Variants in ATXN7L1 observed in about 807,000 individuals in gnomAD.
ATXN7L1 encodes the protein ataxin 7 like 1, also known as ataxin-7-like protein 1.
ATXN7L1 carries 15 observed loss-of-function variants against 70.8 expected under a neutral mutation model. The observed-to-expected ratio is 0.21, with a 90% confidence interval of 0.14 to 0.33. The LOEUF (loss-of-function observed/expected upper bound fraction) is 0.33. Among genes scored for constraint, ATXN7L1 ranks in the 10% least tolerant of loss-of-function variants. The pLI is 1.00. For synonymous variants in ATXN7L1, 440 were observed against 445.1 expected (o/e 0.99, Z 0.14); for missense variants, 975 against 1,097.1 (o/e 0.89, Z 1.57).
At chr7:105,788,388 T>A in intron 3 of ATXN7L1, 1 of 518,158 alleles carries the variant, frequency 1.9e-6, no homozygotes, top group Non-Finnish European at 3.5e-6. Flanking sequence ...AAGTTGCAGG[T>A]TTTCTCTCAT....
intron 3 of ATXN7L1, among the ~76,000 whole-genome samples, chr7:105,730,411 G>A (rs553842117): frequency 4.6e-5 from 7 of 152,176 alleles, no homozygotes; most frequent in Admixed American, 1.3e-4. Context: ...AAAAAAACAA[G>A]GAAAGCCTGA....
chr7:105,810,398 A>G (rs1808258367), intron 2 of ATXN7L1, among the ~76,000 whole-genome samples: 1 of 152,222 alleles, frequency 6.6e-6, no homozygotes, highest in African/African-American at 2.4e-5. Context: ...AGGTGAGACA[A>G]ACAACAAACA....
intron 3 of ATXN7L1, among the ~76,000 whole-genome samples, chr7:105,739,403 A>G (rs1451876508): frequency 6.6e-6 from 1 of 152,236 alleles, no homozygotes; most frequent in Admixed American, 6.5e-5. Context: ...CACGCCCAGA[A>G]GGCCAGACAT....
intron 3 of ATXN7L1, among the ~76,000 whole-genome samples, chr7:105,775,013 G>A (rs1333080884): frequency 1.4e-5 from 2 of 148,040 alleles, no homozygotes; most frequent in African/African-American, 2.5e-5. Flanking sequence ...GCTTTCTCTG[G>A]AAAAAAAAAA....
chr7:105,605,485 G>T lies in ATXN7L1; in HGVS notation c.*2367C>A, dbSNP rs1411794681. ...AGCATTCGATGAGGGTGGGGGGGGG[G>T]GTGGGGGCTCTTTATTCCAGCTTCC... On this transcript the variant is annotated 3_prime_UTR_variant, in exon 12 of 12. Coordinates refer to ENST00000419735, the MANE Select transcript of ATXN7L1 (RefSeq NM_020725.2). 5.4e-5 allele frequency: 4 copies of T among 74,208 alleles called. No individual in the cohort carries two copies. The highest frequency in any genetic ancestry group is 2.0e-4 in the African/African-American group (4 of 19,858). The allele number at this position is 74,208 out of a possible 1,614,324, so 4.6% of individuals were successfully genotyped here.
rs544592264 is a variant in ATXN7L1 at position 105,799,776 on chromosome 7, T to C, written c.251-11068A>G. Among the ~76,000 whole-genome samples, 7 of 152,258 alleles carry C rather than the reference T, an allele frequency of 4.6e-5. No individual in the cohort carries two copies. The East Asian group carries it at 1.4e-3, about 29-fold the overall frequency. On this transcript the variant is annotated intron_variant, in intron 2 of 11. Coordinates refer to ENST00000419735, the MANE Select transcript of ATXN7L1 (RefSeq NM_020725.2). ...AAAACAGTGGAAAGGAACTGTGTAA[T>C]GTCCCTGGGAATCGGTGTTCAAAGC...
chr7:105,786,128 T>G (rs1473628147), intron 3 of ATXN7L1, among the ~76,000 whole-genome samples: 2 of 152,218 alleles, frequency 1.3e-5, no homozygotes, highest in Non-Finnish European at 2.9e-5. Context: ...GAGGCCTTGG[T>G]GCCTCAATTT....
intron 4 of ATXN7L1, among the ~76,000 whole-genome samples, chr7:105,657,659 T>G (rs1451095036): frequency 7.7e-6 from 1 of 130,038 alleles, no homozygotes; most frequent in South Asian, 2.4e-4. Context: ...ATTGCACCAC[T>G]GTACTCCAGC....
At chr7:105,773,902 G>T (rs78214323) in intron 3 of ATXN7L1, among the ~76,000 whole-genome samples, 1 of 152,146 alleles carries the variant, frequency 6.6e-6, no homozygotes. Context: ...TGATAGGACC[G>T]TAGTTCTTCA....
At chr7:105,716,171 T>C (rs1794520535) in intron 3 of ATXN7L1, among the ~76,000 whole-genome samples, 1 of 152,174 alleles carries the variant, frequency 6.6e-6, no homozygotes, top group Non-Finnish European at 1.5e-5. Flanking sequence ...ATTTAAGGGA[T>C]ATTTTTCCAA....
At chr7:105,658,878 T>C (rs901514384) in intron 4 of ATXN7L1, among the ~76,000 whole-genome samples, 11 of 150,422 alleles carry the variant, frequency 7.3e-5, no homozygotes, top group Admixed American at 2.0e-4. Flanking sequence ...GCATGGTGGC[T>C]CACGCCTGTA....
At chr7:105,805,151 T>C (rs1008420116) in intron 2 of ATXN7L1, among the ~76,000 whole-genome samples, 4 of 152,178 alleles carry the variant, frequency 2.6e-5, no homozygotes, top group African/African-American at 9.7e-5. Flanking sequence ...GCCAGACAGT[T>C]AGAGAATGGG....
intron 3 of ATXN7L1, among the ~76,000 whole-genome samples, chr7:105,675,248 G>A (rs117471236): frequency 0.012 from 1,821 of 152,218 alleles, 11 homozygotes; most frequent in Middle Eastern, 0.061. Context: ...CTAAGAAAAT[G>A]TATGCAAAAT....
At chr7:105,848,694 T>A (rs1731285286) in intron 2 of ATXN7L1, among the ~76,000 whole-genome samples, 1 of 152,206 alleles carries the variant, frequency 6.6e-6, no homozygotes, top group African/African-American at 2.4e-5. Context: ...CTTTTGTTGA[T>A]GTGCATCTTC....
chr7:105,797,005 G>A (rs188204008), intron 2 of ATXN7L1, among the ~76,000 whole-genome samples: 1 of 152,278 alleles, frequency 6.6e-6, no homozygotes, highest in African/African-American at 2.4e-5. Context: ...GGGCTCCATT[G>A]TGAGAGATTC....
chr7:105,867,980 G>A (rs905212702), intron 2 of ATXN7L1, among the ~76,000 whole-genome samples: 1 of 152,202 alleles, frequency 6.6e-6, no homozygotes, highest in Non-Finnish European at 1.5e-5. Context: ...ACCATCAGTG[G>A]TGCCACTGGT....
chr7:105,611,949 G>A (rs1018926769), intron 10 of ATXN7L1, among the ~76,000 whole-genome samples: 2 of 152,206 alleles, frequency 1.3e-5, no homozygotes, highest in African/African-American at 4.8e-5. Flanking sequence ...CTGCGTTAGA[G>A]AACCAATGCT....
At chr7:105,754,572 C>T (rs1219981383) in intron 3 of ATXN7L1, among the ~76,000 whole-genome samples, 1 of 152,080 alleles carries the variant, frequency 6.6e-6, no homozygotes, top group African/African-American at 2.4e-5. Context: ...GGGACCCTCC[C>T]ACCTCAGCCT....
intron 3 of ATXN7L1, among the ~76,000 whole-genome samples, chr7:105,685,366 C>T (rs570275413): frequency 2.0e-5 from 3 of 152,290 alleles, no homozygotes; most frequent in East Asian, 3.9e-4. Flanking sequence ...ATAAATAAGT[C>T]AAGATACCAT....
Sources: allele counts gnomAD v4.1 joint callset (sites outside exome capture counted in the v4.1 genomes callset), GRCh38; gene constraint gnomAD v4.1.1; transcripts MANE v1.5; gene names NCBI Gene and HGNC (gene_info 2026-07-23, HGNC 2026-07-21).